The following CADPS2 variants were observed in gnomAD, a reference collection of about 807,000 sequenced individuals.
CADPS2 encodes calcium-dependent secretion activator 2.
CADPS2 carries 93 observed loss-of-function variants against 172.5 expected under a neutral mutation model. That is an observed-to-expected ratio of 0.54 (90% confidence interval 0.46 to 0.64). CADPS2 has a LOEUF of 0.64. Ranked by LOEUF, CADPS2 falls within the 30% of genes least tolerant of loss-of-function variation. The probability of loss-of-function intolerance (pLI) is 0.00; values close to 1 mark genes in which losing one functional copy is unlikely to be tolerated. For synonymous variants in CADPS2, 546 were observed against 555.2 expected, an observed-to-expected ratio of 0.98 and a Z score of 0.23; for missense variants, 1,420 against 1,565.9, an observed-to-expected ratio of 0.91 and a Z score of 1.57.
chr7:122,324,014 G>A (rs561732575), intron 29 of CADPS2, among the ~76,000 whole-genome samples: 71 of 150,970 alleles, frequency 4.7e-4, no homozygotes, highest in Non-Finnish European at 6.3e-4. Flanking sequence ...AAACAATGGA[G>A]AACTAAGCCA....
chr7:122,484,196 G>A (rs1229843335), intron 11 of CADPS2, among the ~76,000 whole-genome samples: 1 of 152,034 alleles, frequency 6.6e-6, no homozygotes, highest in Non-Finnish European at 1.5e-5. Context: ...AAATGCAAAG[G>A]ACATAGAATA....
chr7:122,553,212 G>C (rs2064550621), intron 8 of CADPS2, among the ~76,000 whole-genome samples: 1 of 152,114 alleles, frequency 6.6e-6, no homozygotes, highest in African/African-American at 2.4e-5. Flanking sequence ...ATACAAGTCT[G>C]AATTCCTGAC....
chr7:122,819,737 C>T (rs1264837380), intron 1 of CADPS2, among the ~76,000 whole-genome samples: 1 of 152,098 alleles, frequency 6.6e-6, no homozygotes, highest in East Asian at 1.9e-4. Context: ...TGGACTACAG[C>T]TATATCTCAT....
chr7:122,721,451 A>C (rs1161390516), intron 2 of CADPS2, among the ~76,000 whole-genome samples: 1 of 152,160 alleles, frequency 6.6e-6, no homozygotes. Context: ...GAAATGGATA[A>C]ATTCCTCAAC....
At chr7:122,608,590 A>G (rs1037475088) in intron 6 of CADPS2, among the ~76,000 whole-genome samples, 2 of 152,170 alleles carry the variant, frequency 1.3e-5, no homozygotes, top group African/African-American at 4.8e-5. Context: ...ATGCTCTATC[A>G]TAATATCCAT....
At chr7:122,661,601 A>G (rs888080817) in intron 3 of CADPS2, among the ~76,000 whole-genome samples, 1 of 152,118 alleles carries the variant, frequency 6.6e-6, no homozygotes, top group Non-Finnish European at 1.5e-5. Context: ...ACTGAGACAT[A>G]TAAAGAGCTT....
At chr7:122,529,193 G>A (rs971892012) in intron 8 of CADPS2, among the ~76,000 whole-genome samples, 10 of 151,236 alleles carry the variant, frequency 6.6e-5, no homozygotes, top group Non-Finnish European at 1.0e-4. Flanking sequence ...TTTTTCTTAC[G>A]GCACATTTCA....
At chr7:122,489,937 T>C in intron 11 of CADPS2, 144 bp downstream of exon 11, 1 of 673,164 alleles carries the variant, frequency 1.5e-6, no homozygotes, top group Non-Finnish European at 2.5e-6. Context: ...AGATAAGTGA[T>C]TATGTGACTA....
At chr7:122,723,728 C>T (rs12533870) in intron 2 of CADPS2, among the ~76,000 whole-genome samples, 22,081 of 152,002 alleles carry the variant, frequency 0.15, 1,663 homozygotes, top group Non-Finnish European at 0.16. Context: ...CACATGCACA[C>T]ATATGTTTAT....
intron 11 of CADPS2, among the ~76,000 whole-genome samples, chr7:122,484,885 C>T (rs1003906743): frequency 3.5e-5 from 5 of 143,226 alleles, no homozygotes; most frequent in Admixed American, 1.4e-4. Context: ...TTTAACAACA[C>T]GTGCTCATAT....
At chr7:122,381,370 C>T (rs1280379943) in intron 24 of CADPS2, among the ~76,000 whole-genome samples, 1 of 152,130 alleles carries the variant, frequency 6.6e-6, no homozygotes, top group African/African-American at 2.4e-5. Context: ...TTCCCTCTTA[C>T]ATGGAAAGTG....
intron 27 of CADPS2, among the ~76,000 whole-genome samples, chr7:122,359,558 A>G (rs2039864772): frequency 6.6e-6 from 1 of 152,190 alleles, no homozygotes; most frequent in Non-Finnish European, 1.5e-5. Flanking sequence ...TCAAAATCAA[A>G]CAAAAACTAT....
chr7:122,420,352 T>C (rs771719132), intron 17 of CADPS2, among the ~76,000 whole-genome samples: 1 of 152,216 alleles, frequency 6.6e-6, no homozygotes, highest in Non-Finnish European at 1.5e-5. Context: ...TGTGTTCTAG[T>C]GAAATTTAAA....
At chr7:122,838,898 A>T (rs36199206) in intron 1 of CADPS2, among the ~76,000 whole-genome samples, 32,661 of 152,056 alleles carry the variant, frequency 0.21, 3,756 homozygotes, top group Middle Eastern at 0.31. Context: ...AAGTTACCAA[A>T]GACTTTCTTC....
intron 6 of CADPS2, among the ~76,000 whole-genome samples, chr7:122,583,865 T>G (rs2069230541): frequency 6.6e-6 from 1 of 151,200 alleles, no homozygotes; most frequent in South Asian, 2.1e-4. Flanking sequence ...TACATATGTA[T>G]ATAACATATG....
chr7:122,573,091 C>A (rs1471538027), intron 7 of CADPS2, among the ~76,000 whole-genome samples: 1 of 152,118 alleles, frequency 6.6e-6, no homozygotes, highest in Non-Finnish European at 1.5e-5. Context: ...AGGTTCTGAA[C>A]CTGTCCGCAC....
chr7:122,871,401 A>T (rs1819712626), intron 1 of CADPS2, among the ~76,000 whole-genome samples: 9 of 151,972 alleles, frequency 5.9e-5, no homozygotes. Flanking sequence ...GACAATTTTT[A>T]ATTATTATAA....
intron 1 of CADPS2, among the ~76,000 whole-genome samples, chr7:122,805,779 A>G (rs1451372342): frequency 2.0e-5 from 3 of 152,204 alleles, no homozygotes; most frequent in Non-Finnish European, 2.9e-5. Context: ...TACGTGCCCT[A>G]TAACTCACAA....
At chr7:122,350,022 A>C (rs1457167718) in intron 27 of CADPS2, among the ~76,000 whole-genome samples, 3 of 152,232 alleles carry the variant, frequency 2.0e-5, no homozygotes, top group Admixed American at 6.5e-5. Flanking sequence ...CTCAAAGCTT[A>C]ACTAGAAGCT....
Sources: gnomAD v4.1 joint callset for allele counts (sites outside exome capture counted in the v4.1 genomes callset) on GRCh38, gnomAD v4.1.1 for gene constraint, MANE v1.5 for transcripts, NCBI Gene and HGNC (gene_info 2026-07-23, HGNC 2026-07-21) for gene names.